Variants in NKAIN3 observed in about 807,000 individuals in gnomAD.
NKAIN3 encodes sodium/potassium-transporting ATPase subunit beta-1-interacting protein 3.
Under a neutral mutation model 30.2 loss-of-function variants are expected in NKAIN3, and 25 were observed. The ratio of observed to expected loss-of-function variants is 0.83; its 90% CI spans 0.60 to 1.16. NKAIN3 has a LOEUF of 1.16. NKAIN3 is among the 50% of genes most tolerant of loss of function. The pLI is 0.00. For missense variants in NKAIN3, 225 were observed against 254.1 expected (o/e 0.89, Z 0.78); for synonymous variants, 91 against 89.6 (o/e 1.02, Z -0.09).
intron 4 of NKAIN3, among the ~76,000 whole-genome samples, chr8:62,764,065 A>G (rs192738641): frequency 6.6e-6 from 1 of 152,118 alleles, no homozygotes; most frequent in East Asian, 1.9e-4. Context: ...TTCCAGTTGG[A>G]GATGTCATTT....
At chr8:62,951,499 C>T (rs568583593) in intron 5 of NKAIN3, among the ~76,000 whole-genome samples, 1 of 152,310 alleles carries the variant, frequency 6.6e-6, no homozygotes, top group South Asian at 2.1e-4. Flanking sequence ...GTTTCCCAAG[C>T]TGGAGTGCAG....
chr8:62,916,749 C>T (rs1822115885), intron 4 of NKAIN3, among the ~76,000 whole-genome samples: 1 of 152,186 alleles, frequency 6.6e-6, no homozygotes, highest in Admixed American at 6.5e-5. Context: ...TCTCACCCCA[C>T]TTCTCTCACT....
intron 1 of NKAIN3, among the ~76,000 whole-genome samples, chr8:62,393,973 A>C (rs1817652082): frequency 6.6e-6 from 1 of 152,156 alleles, no homozygotes. Context: ...CATTAGCTTT[A>C]GGAAGCTTTA....
Position 62,966,265 on chromosome 8 carries a change from A to G in NKAIN3, c.*858A>G. On this transcript the variant is annotated 3_prime_UTR_variant, in exon 7 of 7. Coordinates refer to ENST00000623646, the MANE Select transcript of NKAIN3 (RefSeq NM_001304533.3). ...TTAGGATATTCAAAAGAAGCCTGAA[A>G]ATGCTGTAGCATTCTCTATAAATAC... The G allele has an allele frequency of 1.0e-6, 1 of 985,332 alleles. No individual in the cohort carries two copies. The highest frequency in any genetic ancestry group is 1.2e-6 in the Non-Finnish European group (1 of 829,852). The allele number at this position is 985,332 out of a possible 1,614,324, so 61.0% of individuals were successfully genotyped here.
At chr8:62,997,557 G>T (rs905884597) in intron 5 of NKAIN3, among the ~76,000 whole-genome samples, 3 of 152,146 alleles carry the variant, frequency 2.0e-5, no homozygotes, top group Non-Finnish European at 2.9e-5. Context: ...AGATGTAATG[G>T]AGTGAGAAGA....
chr8:62,339,598 T>A (rs976805955), intron 1 of NKAIN3, among the ~76,000 whole-genome samples: 1 of 152,094 alleles, frequency 6.6e-6, no homozygotes, highest in Admixed American at 6.6e-5. Flanking sequence ...TATTTAGTTT[T>A]GTCTAAACTA....
rs562130006 is a variant in NKAIN3, at chr8:62,262,827, G to A, written c.54+13700G>A. On this transcript the variant is annotated intron_variant, in intron 1 of 6. Coordinates refer to ENST00000623646, the MANE Select transcript of NKAIN3 (RefSeq NM_001304533.3). ...CACATTGGTCATCTATTATTAATAT[G>A]TTTGTTTGGCTCAACCAAAAGTGTC... Among the ~76,000 whole-genome samples the A allele has an allele frequency of 7.9e-5, 12 of 152,194 alleles. No homozygotes were observed. In the South Asian group the frequency reaches 2.5e-3, roughly 32 times the overall value.
intron 3 of NKAIN3, among the ~76,000 whole-genome samples, chr8:62,705,039 A>T (rs1260923846): frequency 2.0e-5 from 3 of 152,200 alleles, no homozygotes; most frequent in Non-Finnish European, 4.4e-5. Context: ...GTTGCTGAGA[A>T]CAATGATTTG....
At chr8:62,863,422 G>C in intron 4 of NKAIN3, 3 of 1,551,608 alleles carry the variant, frequency 1.9e-6, no homozygotes, top group Non-Finnish European at 2.6e-6. Context: ...GTCAGTATGA[G>C]TAATCTTGGT....
chr8:62,528,514 T>G (rs1230042743), intron 1 of NKAIN3, among the ~76,000 whole-genome samples: 3 of 151,686 alleles, frequency 2.0e-5, no homozygotes. Flanking sequence ...TGCCCAGCAT[T>G]GGCATTTGTC....
chr8:62,357,377 G>A (rs571485476), intron 1 of NKAIN3, among the ~76,000 whole-genome samples: 4 of 144,034 alleles, frequency 2.8e-5, no homozygotes, highest in East Asian at 2.1e-4. Flanking sequence ...TGGTGCCAGC[G>A]CACTCCAGCC....
intron 4 of NKAIN3, among the ~76,000 whole-genome samples, chr8:62,907,351 A>C (rs1198819907): frequency 6.6e-6 from 1 of 152,232 alleles, no homozygotes; most frequent in Non-Finnish European, 1.5e-5. Flanking sequence ...GAAGCAGAGC[A>C]TTAAAGTTCA....
intron 4 of NKAIN3, among the ~76,000 whole-genome samples, chr8:62,838,454 A>G (rs979052117): frequency 7.2e-5 from 11 of 152,046 alleles, no homozygotes; most frequent in African/African-American, 2.7e-4. Flanking sequence ...TTTAATTAAA[A>G]ATGGAAGATG....
At chr8:62,840,798 T>C (rs1480423375) in intron 4 of NKAIN3, among the ~76,000 whole-genome samples, 1 of 152,132 alleles carries the variant, frequency 6.6e-6, no homozygotes, top group Non-Finnish European at 1.5e-5. Context: ...AATGTCTCTA[T>C]TGAATATATG....
intron 3 of NKAIN3, among the ~76,000 whole-genome samples, chr8:62,642,241 A>G (rs1045266110): frequency 2.0e-5 from 3 of 152,164 alleles, no homozygotes; most frequent in African/African-American, 7.2e-5. Context: ...AGGTTCCTAC[A>G]TGTCACCATG....
chr8:62,484,285 T>G (rs924833072), intron 1 of NKAIN3, among the ~76,000 whole-genome samples: 1 of 152,216 alleles, frequency 6.6e-6, no homozygotes, highest in African/African-American at 2.4e-5. Flanking sequence ...CTTTCCAGGA[T>G]GTCTCGCCCC....
At chr8:62,511,914 A>C (rs1479176201) in intron 1 of NKAIN3, among the ~76,000 whole-genome samples, 1 of 152,096 alleles carries the variant, frequency 6.6e-6, no homozygotes, top group African/African-American at 2.4e-5. Flanking sequence ...GTCATTATTT[A>C]TGACCGTGGA....
At chr8:62,648,999 A>G (rs577117980) in intron 3 of NKAIN3, among the ~76,000 whole-genome samples, 27 of 152,330 alleles carry the variant, frequency 1.8e-4, no homozygotes, top group Non-Finnish European at 3.1e-4. Flanking sequence ...GCCAGGAATT[A>G]GAGCAAGCAG....
At position 62,311,944 on chromosome 8, in the gene NKAIN3, A is replaced by G. The variant is rs768545959; in HGVS notation, c.54+62817A>G. ...GGGTAAAACCACTGCAGCACCAAAG[A>G]AAGGAAACTTTCAAAATACTGATGC... is the stretch of plus-strand genomic sequence containing the variant. On this transcript the variant is annotated intron_variant, in intron 1 of 6. Coordinates refer to ENST00000623646, the MANE Select transcript of NKAIN3 (RefSeq NM_001304533.3). Among the ~76,000 whole-genome samples, 242 of 150,640 alleles carry G rather than the reference A, an allele frequency of 1.6e-3. 6 individuals carry two copies. Among genetic ancestry groups the G allele is most frequent in the Middle Eastern group, 6.8e-3 (2 of 294 alleles).
Sources: gnomAD v4.1 joint callset for allele counts (sites outside exome capture counted in the v4.1 genomes callset) on GRCh38, gnomAD v4.1.1 for gene constraint, MANE v1.5 for transcripts, NCBI Gene and HGNC (gene_info 2026-07-23, HGNC 2026-07-21) for gene names.